Variants in RELL1 observed in about 807,000 individuals in gnomAD.
RELL1 encodes the protein RELT-like protein 1.
A neutral mutation model predicts 23.0 loss-of-function variants in RELL1; 10 were observed. The ratio of observed to expected loss-of-function variants is 0.43; its 90% CI spans 0.27 to 0.74. The LOEUF (loss-of-function observed/expected upper bound fraction) is 0.74, where lower values mean the gene tolerates loss of function less well. Among genes scored for constraint, RELL1 ranks in the 30% least tolerant of loss-of-function variants. The probability of loss-of-function intolerance (pLI) is 0.19; values close to 1 mark genes in which losing one functional copy is unlikely to be tolerated. For synonymous variants in RELL1, 146 were observed against 146.8 expected, an observed-to-expected ratio of 0.99 and a Z score of 0.04; for missense variants, 315 against 364.4, an observed-to-expected ratio of 0.86 and a Z score of 1.10.
At chr4:37,673,176 CT>C (rs970597747) in intron 1 of RELL1, among the ~76,000 whole-genome samples, 3 of 49,988 alleles carry the variant, frequency 6.0e-5, no homozygotes, top group African/African-American at 1.2e-4. Context: ...AGACTATATA[CT>C]TTTTTTTTCT....
At chr4:37,602,252 G>A (rs1719035953) in intron 6 of RELL1, among the ~76,000 whole-genome samples, 1 of 147,044 alleles carries the variant, frequency 6.8e-6, no homozygotes, top group Non-Finnish European at 1.5e-5. Flanking sequence ...AACCAGCACT[G>A]CCTGTCTTCC....
At chr4:37,614,142 G>A (rs1291666879) in intron 6 of RELL1, among the ~76,000 whole-genome samples, 2 of 152,178 alleles carry the variant, frequency 1.3e-5, no homozygotes, top group Non-Finnish European at 2.9e-5. Context: ...ATAGCATGAA[G>A]TTGCTAGAAG....
intron 6 of RELL1, among the ~76,000 whole-genome samples, chr4:37,594,991 G>A (rs1195218597): frequency 2.6e-5 from 4 of 152,180 alleles, no homozygotes; most frequent in Non-Finnish European, 5.9e-5. Flanking sequence ...TTCATCAAGG[G>A]CACTGCTTTT....
intron 6 of RELL1, among the ~76,000 whole-genome samples, chr4:37,604,764 C>T (rs1334300242): frequency 1.6e-5 from 2 of 126,940 alleles, no homozygotes; most frequent in East Asian, 5.2e-4. Context: ...ACAAGAACCA[C>T]ACACACACAC....
At chr4:37,595,104 A>C (rs1486198315) in intron 6 of RELL1, among the ~76,000 whole-genome samples, 2 of 152,054 alleles carry the variant, frequency 1.3e-5, no homozygotes, top group Non-Finnish European at 2.9e-5. Context: ...TAAATCCTCT[A>C]TTTTGGAGTT....
At chr4:37,625,833 T>C (rs988123780) in intron 6 of RELL1, among the ~76,000 whole-genome samples, 1 of 152,184 alleles carries the variant, frequency 6.6e-6, no homozygotes, top group South Asian at 2.1e-4. Flanking sequence ...CATTCCATAA[T>C]GTATGCATGT....
chr4:37,606,165 GAAAA>G (rs897154343), downstream of RELL1, among the ~76,000 whole-genome samples: 8 of 135,334 alleles, frequency 5.9e-5, no homozygotes, highest in Admixed American at 1.5e-4. The surrounding 1 kb of genome is among the most constrained non-coding windows in gnomAD (Gnocchi z 4.1). Flanking sequence ...AGAAAAGAAA[GAAAA>G]AAAGGAGAAA....
chr4:37,587,666 C>T (rs1718397698), downstream of RELL1, among the ~76,000 whole-genome samples: 1 of 152,164 alleles, frequency 6.6e-6, no homozygotes, highest in South Asian at 2.1e-4. Context: ...TCTGTTTTGG[C>T]TTGTCTTTTT....
chr4:37,678,823 T>C (rs925685033), intron 1 of RELL1, among the ~76,000 whole-genome samples: 1 of 152,216 alleles, frequency 6.6e-6, no homozygotes, highest in Admixed American at 6.5e-5. Flanking sequence ...GAAAGTAATT[T>C]AAAGATTTTT....
In RELL1 at chr4:37,611,409, A is replaced by C. The variant is rs1445853881; in HGVS notation, c.*1937T>G. ...TTATTAGTTGTCAGTAAAAATTCTC[A>C]TGAAACTAAATTCCCCATTTATTTA... is the stretch of plus-strand genomic sequence containing the variant. On this transcript the variant is annotated 3_prime_UTR_variant, in exon 7 of 7. Coordinates refer to ENST00000454158, the MANE Select transcript of RELL1 (RefSeq NM_001085400.2). Among the ~76,000 whole-genome samples the C allele has an allele frequency of 6.6e-6, 1 of 152,196 alleles. No individual in the cohort carries two copies. Among genetic ancestry groups the C allele is most frequent in the African/African-American group, 2.4e-5 (1 of 41,434 alleles).
At chr4:37,605,793 G>GAA (rs1553871642), downstream of RELL1, among the ~76,000 whole-genome samples, 23 of 90,394 alleles carry the variant, frequency 2.5e-4, no homozygotes, top group East Asian at 1.6e-3. Context: ...GAGAAAGAAA[G>GAA]AGAAAGAAAG....
intron 6 of RELL1, among the ~76,000 whole-genome samples, chr4:37,592,582 T>G (rs1416526216): frequency 6.6e-6 from 1 of 152,190 alleles, no homozygotes; most frequent in Non-Finnish European, 1.5e-5. Flanking sequence ...TTAAAGGCAT[T>G]AAGGATGCTC....
intron 6 of RELL1, among the ~76,000 whole-genome samples, chr4:37,595,696 A>G (rs1025956597): frequency 6.6e-5 from 10 of 151,944 alleles, no homozygotes; most frequent in African/African-American, 9.7e-5. Flanking sequence ...ACCCTGCTCT[A>G]TTTGAATAAT....
chr4:37,636,092 T>G (rs1720318963), intron 4 of RELL1, among the ~76,000 whole-genome samples: 1 of 152,210 alleles, frequency 6.6e-6, no homozygotes, highest in Admixed American at 6.5e-5. Flanking sequence ...TTCTTCCTTT[T>G]AACAATGAGG....
chr4:37,629,595 A>C (rs1720056103), intron 6 of RELL1, among the ~76,000 whole-genome samples: 1 of 152,054 alleles, frequency 6.6e-6, no homozygotes. Context: ...ACTTTTCTGT[A>C]CTGTTTCTCT....
At chr4:37,684,296 T>C (rs1257352731) in intron 1 of RELL1, among the ~76,000 whole-genome samples, 1 of 151,912 alleles carries the variant, frequency 6.6e-6, no homozygotes, top group African/African-American at 2.4e-5. Flanking sequence ...AAATTTGTGC[T>C]CTGTATCCTT....
At chr4:37,674,014 C>G (rs1224665565) in intron 1 of RELL1, among the ~76,000 whole-genome samples, 1 of 152,228 alleles carries the variant, frequency 6.6e-6, no homozygotes, top group Non-Finnish European at 1.5e-5. Context: ...CATACACTCC[C>G]TTTTAAGGTC....
chr4:37,657,272 T>C (rs528489720), intron 1 of RELL1, among the ~76,000 whole-genome samples: 2 of 152,314 alleles, frequency 1.3e-5, no homozygotes, highest in East Asian at 3.9e-4. Flanking sequence ...AGTTTTCCAA[T>C]GAAATGGACG....
chr4:37,645,999 T>G (rs552855003), intron 3 of RELL1, among the ~76,000 whole-genome samples: 1 of 152,222 alleles, frequency 6.6e-6, no homozygotes, highest in East Asian at 1.9e-4. Flanking sequence ...AGGTATTTAC[T>G]GATGAGTGTG....
Sources: gnomAD v4.1 joint callset for allele counts (sites outside exome capture counted in the v4.1 genomes callset) on GRCh38, gnomAD v4.1.1 for gene constraint, Gnocchi (gnomAD v3.1) non-coding constraint, MANE v1.5 for transcripts, NCBI Gene and HGNC (gene_info 2026-07-23, HGNC 2026-07-21) for gene names.